Variants in SFI1 observed in about 807,000 individuals in gnomAD.
SFI1 encodes protein SFI1 homolog.
In SFI1, 195 loss-of-function variants were observed where a neutral mutation model predicts 207.5. The ratio of observed to expected loss-of-function variants is 0.94; its 90% CI spans 0.84 to 1.06. The LOEUF (loss-of-function observed/expected upper bound fraction) is 1.06. Among genes scored for constraint, SFI1 ranks in the 50% least tolerant of loss-of-function variants. The pLI, the probability that SFI1 is intolerant of heterozygous loss-of-function variation, is 0.00. For missense variants in SFI1, 1,634 were observed against 1,588.0 expected, an observed-to-expected ratio of 1.03 and a Z score of -0.49; for synonymous variants, 630 against 598.9, an observed-to-expected ratio of 1.05 and a Z score of -0.76.
intron 1 of SFI1, among the ~76,000 whole-genome samples, chr22:31,505,363 C>T (rs1375303327): frequency 3.3e-5 from 5 of 151,552 alleles, no homozygotes; most frequent in South Asian, 2.1e-4. Context: ...CGGTTGAACC[C>T]GGGAAGTGGA....
chr22:31,514,977 G>A (rs180975965), intron 2 of SFI1, among the ~76,000 whole-genome samples: 13 of 152,048 alleles, frequency 8.5e-5, no homozygotes, highest in African/African-American at 3.1e-4. Context: ...TCACCATGTT[G>A]GCCAGGATGG....
At position 31,579,139 on chromosome 22, in the gene SFI1, T is replaced by G. The variant is rs901754325; in HGVS notation, c.1155+687T>G. Among the ~76,000 whole-genome samples the G allele has an allele frequency of 6.6e-5, 10 of 152,030 alleles. No individual in the cohort carries two copies. The East Asian group carries it at 7.7e-4, about 12-fold the overall frequency. ...CAGGCCCAGTGTTGAGGCATTAGTA[T>G]TATTATCATTACTATTATTATTAGA... On this transcript the variant is annotated intron_variant, in intron 11 of 32. Transcript: ENST00000400288.
At chr22:31,603,427 C>A (rs1022920961) in intron 17 of SFI1, among the ~76,000 whole-genome samples, 1 of 152,176 alleles carries the variant, frequency 6.6e-6, no homozygotes, top group Non-Finnish European at 1.5e-5. Flanking sequence ...GCTTTGGGGC[C>A]TTTCAGTGTC....
chr22:31,522,528 T>C (rs992083355), intron 2 of SFI1, among the ~76,000 whole-genome samples: 20 of 152,232 alleles, frequency 1.3e-4, no homozygotes, highest in African/African-American at 4.3e-4. Flanking sequence ...ACCTTTATTA[T>C]ACTTTTCTGT....
chr22:31,558,083 G>T (rs184905726), intron 7 of SFI1, among the ~76,000 whole-genome samples: 10 of 152,166 alleles, frequency 6.6e-5, no homozygotes, highest in African/African-American at 2.4e-4. Flanking sequence ...TGTATTATTG[G>T]GTCATTTCAT....
chr22:31,539,551 G>T (rs1393390763), intron 4 of SFI1, among the ~76,000 whole-genome samples: 1 of 151,896 alleles, frequency 6.6e-6, no homozygotes, highest in African/African-American at 2.4e-5. Flanking sequence ...AAAATTTTTT[G>T]AGGATAATGT....
chr22:31,529,350 C>G (rs956148065), intron 3 of SFI1, among the ~76,000 whole-genome samples: 21 of 152,068 alleles, frequency 1.4e-4, no homozygotes, highest in Non-Finnish European at 2.1e-4. Context: ...GAGTTTGAGA[C>G]CCCGTCTCCA....
chr22:31,573,808 T>C (rs964187085), intron 9 of SFI1, among the ~76,000 whole-genome samples: 2 of 152,244 alleles, frequency 1.3e-5, no homozygotes, highest in African/African-American at 2.4e-5. Context: ...TTGATTAATA[T>C]GTTGATAACC....
At chr22:31,606,006 C>G (rs2068906010) in intron 20 of SFI1, 2 of 299,558 alleles carry the variant, frequency 6.7e-6, no homozygotes, top group African/African-American at 4.2e-5. Flanking sequence ...TTCCCTGTCT[C>G]TCCACACTTC....
At position 31,575,226 on chromosome 22, in the gene SFI1, T is replaced by C; in HGVS notation, c.923-5T>C. On this transcript the variant is annotated splice_region_variant and splice_polypyrimidine_tract_variant and intron_variant, in intron 9 of 32. Coordinates refer to ENST00000400288, the MANE Select transcript of SFI1 (RefSeq NM_001007467.3). ...AGTAGCACTTAAGTTATTTCTCTGT[T>C]GCAGAGATGGCTGAGCGATTCCATC... is the stretch of plus-strand genomic sequence containing the variant. 6.2e-7 allele frequency: 1 copy of C among 1,605,478 alleles called. No individual in the cohort carries two copies. Among genetic ancestry groups the C allele is most frequent in the Non-Finnish European group, 8.5e-7 (1 of 1,175,696 alleles).
intron 4 of SFI1, among the ~76,000 whole-genome samples, chr22:31,534,827 A>G (rs738655): frequency 0.92 from 139,556 of 150,884 alleles, 64,589 homozygotes; most frequent in East Asian, 0.99. Flanking sequence ...GTGTTTATAT[A>G]TGTGTTATTC....
chr22:31,617,519 A>G (rs7287417), intron 31 of SFI1, among the ~76,000 whole-genome samples: 12,423 of 152,086 alleles, frequency 0.082, 609 homozygotes, highest in African/African-American at 0.14. Flanking sequence ...TTAGGAGTTC[A>G]AGACCAGCCT....
intron 7 of SFI1, among the ~76,000 whole-genome samples, chr22:31,560,566 T>G (rs1483678250): frequency 6.7e-6 from 1 of 150,284 alleles, no homozygotes; most frequent in African/African-American, 2.5e-5. Context: ...CATGTCCAGC[T>G]AATTTTTTGT....
intron 4 of SFI1, among the ~76,000 whole-genome samples, chr22:31,541,743 CAA>C (rs71673219): frequency 0.25 from 21,361 of 86,498 alleles, 2,141 homozygotes; most frequent in East Asian, 0.46. Context: ...GACTCCATCT[CAA>C]AAAAAAAAAA....
intron 2 of SFI1, among the ~76,000 whole-genome samples, chr22:31,514,797 G>A (rs1227991838): frequency 6.7e-6 from 1 of 150,258 alleles, no homozygotes; most frequent in African/African-American, 2.4e-5. Context: ...TTTTGAGACG[G>A]AGTCTCACTC....
chr22:31,510,175 A>G (rs1455453369), intron 2 of SFI1, among the ~76,000 whole-genome samples: 1 of 151,322 alleles, frequency 6.6e-6, no homozygotes, highest in Admixed American at 6.6e-5. Flanking sequence ...CACTGAAACT[A>G]TCTGTGCTTT....
At chr22:31,570,176 C>T (rs1162095496) in intron 8 of SFI1, among the ~76,000 whole-genome samples, 1 of 151,890 alleles carries the variant, frequency 6.6e-6, no homozygotes, top group Non-Finnish European at 1.5e-5. Flanking sequence ...AGGATATAAA[C>T]AGGGAGGACA....
intron 2 of SFI1, among the ~76,000 whole-genome samples, chr22:31,521,918 C>T (rs1056484408): frequency 6.6e-6 from 1 of 151,894 alleles, no homozygotes; most frequent in African/African-American, 2.4e-5. Context: ...CATGCGTCAC[C>T]ATGCTTGGCT....
chr22:31,548,643 CAA>C (rs763681575), intron 5 of SFI1, among the ~76,000 whole-genome samples: 36 of 106,342 alleles, frequency 3.4e-4, no homozygotes, highest in Non-Finnish European at 3.0e-4. Context: ...ACTCCGTCTC[CAA>C]AAAAAAAAAA....
Sources: allele counts gnomAD v4.1 joint callset (sites outside exome capture counted in the v4.1 genomes callset), GRCh38; gene constraint gnomAD v4.1.1; transcripts MANE v1.5; gene names NCBI Gene and HGNC (gene_info 2026-07-23, HGNC 2026-07-21).